The following PRR35 variants were observed in gnomAD, a reference collection of about 807,000 sequenced individuals.
The protein encoded by PRR35 is proline-rich protein 35.
PRR35 carries 14 observed loss-of-function variants against 18.6 expected under a neutral mutation model. The ratio of observed to expected loss-of-function variants is 0.75; its 90% CI spans 0.50 to 1.18. The LOEUF (loss-of-function observed/expected upper bound fraction) is 1.18. Among genes scored for constraint, PRR35 ranks in the 50% most tolerant of loss-of-function variants. The pLI, the probability that PRR35 is intolerant of heterozygous loss-of-function variation, is 0.00. For synonymous variants in PRR35, 425 were observed against 378.2 expected (o/e 1.12, Z -1.43); for missense variants, 832 against 792.2 (o/e 1.05, Z -0.60).
chr16:560,307 C>T, upstream of PRR35: 1 of 975,846 alleles, frequency 1.0e-6, no homozygotes, highest in Non-Finnish European at 1.2e-6. Context: ...GGGGGCTGCT[C>T]CTTCCCTCCC....
chr16:562,431 C>T (rs2035448458), intron 1 of PRR35, among the ~76,000 whole-genome samples: 1 of 152,172 alleles, frequency 6.6e-6, no homozygotes, highest in Non-Finnish European at 1.5e-5. Context: ...CATACACACG[C>T]ACTCACACAT....
chr16:560,942 G>GAA (rs2035423815), intron 1 of PRR35, among the ~76,000 whole-genome samples: 1 of 151,790 alleles, frequency 6.6e-6, no homozygotes, highest in African/African-American at 2.4e-5. Context: ...CCCGGGGGGG[G>GAA]GGGCAGCAGG....
chr16:561,447 T>G (rs2035433108), intron 1 of PRR35, among the ~76,000 whole-genome samples: 1 of 151,458 alleles, frequency 6.6e-6, no homozygotes, highest in South Asian at 2.1e-4. Flanking sequence ...TCCACATGGG[T>G]GGGGGGGGCG....
Position 565,381 on chromosome 16 carries a change from C to A in PRR35, c.*74C>A. Reference sequence around the variant, plus strand: ...CTCTCCTGCAGCCCCTGCCCCTCACCTGCCTGGGACCTGCCCCGCCTCCGC... The same window carrying A: ...CTCTCCTGCAGCCCCTGCCCCTCACATGCCTGGGACCTGCCCCGCCTCCGC... On this transcript the variant is annotated 3_prime_UTR_variant, in exon 3 of 3. Coordinates refer to ENST00000409413, the MANE Select transcript of PRR35 (RefSeq NM_145270.3). 7.3e-7 allele frequency: 1 copy of A among 1,372,090 alleles called. No homozygotes were observed. The highest frequency in any genetic ancestry group is 1.6e-5 in the South Asian group (1 of 62,644). 85.0% of individuals were successfully genotyped at this position (1,372,090 alleles called of 1,614,324 possible).
Position 564,023 on chromosome 16 carries a change from GC to G in PRR35, c.734del (p.Pro245ArgfsTer58). On this transcript the variant is annotated frameshift_variant, in exon 2 of 3. Transcript: ENST00000409413. LOFTEE classifies it high-confidence loss of function. ...PFLASASPLL[P>X]PATAFPAVQP... ...TCCTGGCCTCGGCCAGCCCCCTGCT[GC>G]CCCCGGCCACGGCCTTCCCAGCCGT... The G allele has an allele frequency of 1.9e-6, 3 of 1,586,048 alleles. No individual in the cohort carries two copies. The highest frequency in any genetic ancestry group is 2.6e-6 in the Non-Finnish European group (3 of 1,170,768).
At chr16:563,156 CA>C in intron 1 of PRR35, 99 bp from the exon 2 acceptor site, 1 of 1,196,950 alleles carries the variant, frequency 8.4e-7, no homozygotes, top group Non-Finnish European at 1.1e-6. Context: ...GTGGGGGGAG[CA>C]CCCAGGCTCC....
At chr16:561,307 C>T (rs1005031823) in intron 1 of PRR35, among the ~76,000 whole-genome samples, 1 of 152,190 alleles carries the variant, frequency 6.6e-6, no homozygotes, top group Non-Finnish European at 1.5e-5. Flanking sequence ...GACCCGGGAG[C>T]CCCCGGTCCC....
rs922155717 is a variant in PRR35 at position 564,376 on chromosome 16, G to C, written c.1082G>C (p.Ser361Thr). Residue 361 changes from serine to threonine, a missense_variant and splice_region_variant, in exon 2 of 3, where the codon AGC (serine) becomes ACC (threonine). This residue lies in a region of PRR35 where 768 missense variants were observed against 704.1 expected (regional missense o/e 1.09). Transcript: ENST00000409413. ...PSLTRFCSRSSLPTGSSVMLW... is the reference protein window; with the variant it reads ...PSLTRFCSRSTLPTGSSVMLW... The stretch of plus-strand genomic sequence containing the variant: ...CTGACAAGGTTCTGTTCCCGGAGCA[G>C]GTGGGCGTCTTGGGCTCCCGGTTCC... 2 of 1,589,812 alleles carry C rather than the reference G, an allele frequency of 1.3e-6. No individual in the cohort carries two copies. The highest frequency in any genetic ancestry group is 1.7e-6 in the Non-Finnish European group (2 of 1,175,810).
intron 1 of PRR35, 141 bp from the exon 2 acceptor site, chr16:563,115 G>T (rs59713048): frequency 1.3e-6 from 1 of 765,116 alleles, no homozygotes. Flanking sequence ...GATGGGGCTC[G>T]GGGGGCACGT....
At chr16:563,035 CTTT>C (rs61007293) in intron 1 of PRR35, among the ~76,000 whole-genome samples, 9 of 130,966 alleles carry the variant, frequency 6.9e-5, no homozygotes, top group East Asian at 2.2e-4. Flanking sequence ...CTGTCCTGGA[CTTT>C]TTTTTTTTTT....
chr16:565,452 T>C lies in PRR35; in HGVS notation c.*145T>C, dbSNP rs1316739311. On this transcript the variant is annotated 3_prime_UTR_variant, in exon 3 of 3. Transcript: ENST00000409413. ...ACGGGCCGTGGCCAACGCTTGTCCCTGGGGCCACACAGGGACACTGGAGGT... is the reference window on the plus strand; with the variant it reads ...ACGGGCCGTGGCCAACGCTTGTCCCCGGGGCCACACAGGGACACTGGAGGT... 2.3e-5 allele frequency: 19 copies of C among 820,398 alleles called. No individual in the cohort carries two copies. Among genetic ancestry groups the C allele is most frequent in the Non-Finnish European group, 3.3e-5 (19 of 577,294 alleles). 50.8% of individuals were successfully genotyped at this position (820,398 alleles called of 1,614,324 possible). A position where few individuals can be genotyped will look rare whatever the true frequency, so the allele number is the denominator to read the frequency against.
rs2035416882 is a variant in PRR35 at position 560,641 on chromosome 16, TCCGCTCCCGGCCGG to T, written c.-59_-46del. 9 of 981,006 alleles carry T rather than the reference TCCGCTCCCGGCCGG, an allele frequency of 9.2e-6. No homozygotes were observed. Among genetic ancestry groups the T allele is most frequent in the Non-Finnish European group, 1.1e-5 (9 of 828,648 alleles). The allele number at this position is 981,006 out of a possible 1,614,324, so 60.8% of individuals were successfully genotyped here. ...CACGCGGCCTCGCAGACTTGGCGGC[TCCGCTCCCGGCCGG>T]GCGCAGGTAGGAGCGGCGGGAGCCG... On this transcript the variant is annotated 5_prime_UTR_variant, in exon 1 of 3. Transcript: ENST00000409413.
chr16:561,733 G>A (rs2035438567), intron 1 of PRR35: 1 of 985,408 alleles, frequency 1.0e-6, no homozygotes, highest in Non-Finnish European at 1.2e-6. Flanking sequence ...AGACAGCAGT[G>A]CCCCAGCCCT....
chr16:564,576 A>G, intron 2 of PRR35, 98 bp from the exon 3 acceptor site: 6 of 1,408,254 alleles, frequency 4.3e-6, no homozygotes, highest in Non-Finnish European at 5.6e-6. Context: ...CCTAGGCTCT[A>G]GGCTGGGGCC....
Position 565,078 on chromosome 16 carries a change from G to T in PRR35, c.1487G>T (p.Gly496Val). The T allele has an allele frequency of 6.3e-7, 1 of 1,591,166 alleles. No individual in the cohort carries two copies. Among genetic ancestry groups the T allele is most frequent in the Non-Finnish European group, 8.6e-7 (1 of 1,168,664 alleles). Reference sequence around the variant, plus strand: ...GAGCTGGGTCCCGTGTTGACCGGGGGCACCCCCGAGCCACCCGGCATGCTG... The same window carrying T: ...GAGCTGGGTCCCGTGTTGACCGGGGTCACCCCCGAGCCACCCGGCATGCTG... ...RPELGPVLTG[G>V]TPEPPGMLGP... is the part of the protein sequence containing the mutation. Residue 496 changes from glycine to valine, a missense_variant, in exon 3 of 3, where the codon GGC becomes GTC. By Grantham distance (109) the Gly-to-Val change is moderately radical. This residue lies in a region of PRR35 where 768 missense variants were observed against 704.1 expected (regional missense o/e 1.09). Transcript: ENST00000409413.
Position 560,556 on chromosome 16 carries a change from T to G in PRR35, c.-145T>G. 1.0e-6 allele frequency: 1 copy of G among 982,826 alleles called. No individual in the cohort carries two copies. The highest frequency in any genetic ancestry group is 4.7e-5 in the South Asian group (1 of 21,266). The allele number at this position is 982,826 out of a possible 1,614,324, so 60.9% of individuals were successfully genotyped here. A position where few individuals can be genotyped will look rare whatever the true frequency, so the allele number is the denominator to read the frequency against. ...ATCCCACCCCCAGAGCCCCAGCGCGTCCGCGGGGTCCGAGTCGCGGCCGGC... is the reference window on the plus strand; with the variant it reads ...ATCCCACCCCCAGAGCCCCAGCGCGGCCGCGGGGTCCGAGTCGCGGCCGGC... On this transcript the variant is annotated 5_prime_UTR_variant, in exon 1 of 3. Transcript: ENST00000409413.
rs2035503558 is a variant in PRR35 at position 564,768 on chromosome 16, C to T, written c.1177C>T (p.Pro393Ser). 1 of 1,541,486 alleles carries T rather than the reference C, an allele frequency of 6.5e-7. No homozygotes were observed. Among genetic ancestry groups the T allele is most frequent in the South Asian group, 1.2e-5 (1 of 84,108 alleles). ...PGPEGPLPLQ[P>S]RGPVPGSPEH... The stretch of plus-strand genomic sequence containing the variant: ...CCCTGAGGGCCCCCTCCCCCTGCAG[C>T]CACGGGGCCCAGTGCCAGGAAGCCC... Residue 393 changes from proline (P) to serine (S), a missense_variant, in exon 3 of 3, where the codon CCA becomes TCA. Transcript: ENST00000409413.
chr16:564,442 G>GGGCGGCTGGGCAT, intron 2 of PRR35, 66 bp downstream of exon 2: 1 of 1,556,388 alleles, frequency 6.4e-7, no homozygotes, highest in South Asian at 1.2e-5. Context: ...CATGGCGGTT[G>GGGCGGCTGGGCAT]GGCGGCTGGG....
Position 563,369 on chromosome 16 carries a change from C to A in PRR35, c.75C>A (p.His25Gln). The A allele has an allele frequency of 6.2e-7, 1 of 1,612,350 alleles. No homozygotes were observed. Among genetic ancestry groups the A allele is most frequent in the Non-Finnish European group, 8.5e-7 (1 of 1,179,676 alleles). ...RARSRKPKKP[H>Q]YIPRPWGKPY... is the part of the protein sequence containing the mutation. ...GGTCTCGGAAGCCCAAGAAGCCACACTACATCCCGCGGCCCTGGGGCAAAC... is the reference window on the plus strand; with the variant it reads ...GGTCTCGGAAGCCCAAGAAGCCACAATACATCCCGCGGCCCTGGGGCAAAC... Residue 25 changes from histidine (H) to glutamine (Q), a missense_variant, in exon 2 of 3, where the codon CAC (histidine) becomes CAA (glutamine). Physicochemically the swap from His to Gln is conservative, Grantham distance 24 (BLOSUM62 0). Around this residue, in one of 3 missense-constraint regions of PRR35, gnomAD observed 56 missense variants for 64.8 expected, o/e 0.86. Coordinates refer to ENST00000409413, the MANE Select transcript of PRR35 (RefSeq NM_145270.3).
Sources: allele counts gnomAD v4.1 joint callset (sites outside exome capture counted in the v4.1 genomes callset), GRCh38; gene constraint gnomAD v4.1.1; regional missense constraint gnomAD v4.1.1; transcripts MANE v1.5; gene names NCBI Gene and HGNC (gene_info 2026-07-23, HGNC 2026-07-21).